Variants in PPP1R9A observed in about 807,000 individuals in gnomAD.
PPP1R9A encodes the protein neurabin-1.
Under a neutral mutation model 141.9 loss-of-function variants are expected in PPP1R9A, and 59 were observed. That is an observed-to-expected ratio of 0.42 (90% CI 0.34 to 0.52). The LOEUF (loss-of-function observed/expected upper bound fraction) is 0.52, where lower values mean the gene tolerates loss of function less well. PPP1R9A is among the 20% of genes least tolerant of loss of function. The probability of loss-of-function intolerance (pLI) is 0.10; values close to 1 mark genes in which losing one functional copy is unlikely to be tolerated. For synonymous variants in PPP1R9A, 500 were observed against 569.7 expected (o/e 0.88, Z 1.74); for missense variants, 1,444 against 1,611.9 (o/e 0.90, Z 1.78).
At chr7:94,979,008 G>C (rs998558433) in intron 2 of PPP1R9A, among the ~76,000 whole-genome samples, 2 of 152,128 alleles carry the variant, frequency 1.3e-5, no homozygotes, top group African/African-American at 4.8e-5. Flanking sequence ...TGTTGGCCAG[G>C]CTGGTCTCGA....
chr7:94,923,668 A>G (rs1793117163), intron 2 of PPP1R9A, among the ~76,000 whole-genome samples: 1 of 152,214 alleles, frequency 6.6e-6, no homozygotes, highest in Admixed American at 6.5e-5. Flanking sequence ...ACTATATGGT[A>G]GTATGTTATA....
intron 18 of PPP1R9A, among the ~76,000 whole-genome samples, chr7:95,286,797 C>T (rs1202836357): frequency 6.6e-6 from 1 of 151,924 alleles, no homozygotes; most frequent in Non-Finnish European, 1.5e-5. Flanking sequence ...ATTAGTATTG[C>T]TACAAATTAT....
intron 5 of PPP1R9A, among the ~76,000 whole-genome samples, chr7:95,195,736 A>T (rs143647826): frequency 2.1e-4 from 32 of 151,966 alleles, no homozygotes; most frequent in African/African-American, 7.7e-4. Context: ...TTGAACATAC[A>T]TGGACAAGGA....
At chr7:95,066,062 A>G (rs1812898624) in intron 2 of PPP1R9A, among the ~76,000 whole-genome samples, 2 of 152,174 alleles carry the variant, frequency 1.3e-5, no homozygotes, top group African/African-American at 4.8e-5. Flanking sequence ...TAAAGTCCCA[A>G]ACCCCAGCAC....
At chr7:94,987,847 C>T (rs117972186) in intron 2 of PPP1R9A, among the ~76,000 whole-genome samples, 3,508 of 152,172 alleles carry the variant, frequency 0.023, 56 homozygotes, top group Non-Finnish European at 0.034. Flanking sequence ...TTATTACATA[C>T]ATTTGAGATG....
chr7:95,235,867 T>G (rs898568212), intron 8 of PPP1R9A, among the ~76,000 whole-genome samples: 1 of 152,198 alleles, frequency 6.6e-6, no homozygotes, highest in African/African-American at 2.4e-5. Context: ...AATTGGAGAC[T>G]ATTATTCTAA....
At chr7:94,915,124 G>C (rs982427623) in intron 2 of PPP1R9A, among the ~76,000 whole-genome samples, 8 of 152,160 alleles carry the variant, frequency 5.3e-5, no homozygotes, top group Non-Finnish European at 7.4e-5. Flanking sequence ...GGTACATTGT[G>C]CTATATTTTG....
At chr7:95,013,567 T>C (rs570134160) in intron 2 of PPP1R9A, among the ~76,000 whole-genome samples, 48 of 152,252 alleles carry the variant, frequency 3.2e-4, no homozygotes, top group African/African-American at 9.9e-4. Flanking sequence ...CACCAAATCT[T>C]TTCTGTGTAG....
chr7:94,988,275 A>T (rs1287290417), intron 2 of PPP1R9A, among the ~76,000 whole-genome samples: 1 of 152,144 alleles, frequency 6.6e-6, no homozygotes, highest in Non-Finnish European at 1.5e-5. Context: ...CAAGAATATT[A>T]AAAGTCTTTT....
intron 5 of PPP1R9A, among the ~76,000 whole-genome samples, chr7:95,179,900 C>A (rs1833485793): frequency 6.6e-6 from 1 of 151,994 alleles, no homozygotes; most frequent in Non-Finnish European, 1.5e-5. Flanking sequence ...GGAAACACGT[C>A]CCGTGCTCAT....
intron 7 of PPP1R9A, among the ~76,000 whole-genome samples, chr7:95,212,213 A>G (rs980319237): frequency 6.6e-6 from 1 of 152,166 alleles, no homozygotes; most frequent in African/African-American, 2.4e-5. Context: ...TAAGATATAC[A>G]TCATTTCAGG....
chr7:95,108,219 T>C (rs1360367949), intron 2 of PPP1R9A, among the ~76,000 whole-genome samples: 1 of 151,628 alleles, frequency 6.6e-6, no homozygotes, highest in Admixed American at 6.6e-5. Context: ...GCCTACTTAA[T>C]TTACAAGCCT....
intron 2 of PPP1R9A, among the ~76,000 whole-genome samples, chr7:95,039,980 C>T (rs1808995001): frequency 6.6e-6 from 1 of 152,090 alleles, no homozygotes; most frequent in Non-Finnish European, 1.5e-5. Context: ...CACCTGAGCA[C>T]ATCATATTCA....
chr7:95,266,083 T>C (rs796990591), intron 12 of PPP1R9A, among the ~76,000 whole-genome samples: 3 of 152,284 alleles, frequency 2.0e-5, no homozygotes, highest in South Asian at 4.1e-4. Flanking sequence ...AGTTCTGATT[T>C]TCTCTCACTT....
intron 4 of PPP1R9A, among the ~76,000 whole-genome samples, chr7:95,124,998 C>A (rs970184222): frequency 1.3e-5 from 2 of 152,072 alleles, no homozygotes; most frequent in East Asian, 3.8e-4. Context: ...AAAGTTTTGA[C>A]CCTTCCTTAT....
intron 2 of PPP1R9A, among the ~76,000 whole-genome samples, chr7:95,005,021 A>C (rs534594265): frequency 6.6e-6 from 1 of 152,202 alleles, no homozygotes; most frequent in Non-Finnish European, 1.5e-5. Flanking sequence ...GTAATTTTTC[A>C]TGGAAAAACT....
intron 2 of PPP1R9A, among the ~76,000 whole-genome samples, chr7:95,012,710 A>T (rs1804596938): frequency 6.6e-6 from 1 of 152,154 alleles, no homozygotes; most frequent in Admixed American, 6.6e-5. Context: ...TGGAGAAAAG[A>T]TTTCTGACAA....
chr7:95,142,835 G>C (rs1480260557), intron 4 of PPP1R9A, among the ~76,000 whole-genome samples: 4 of 152,048 alleles, frequency 2.6e-5, no homozygotes, highest in African/African-American at 9.7e-5. Context: ...TACATGTAAA[G>C]AGACAAAGCT....
At chr7:95,204,249 A>G (rs1790208139) in intron 7 of PPP1R9A, among the ~76,000 whole-genome samples, 1 of 152,194 alleles carries the variant, frequency 6.6e-6, no homozygotes, top group Admixed American at 6.5e-5. Flanking sequence ...CTAAAATGAT[A>G]CTATACTTTA....
Sources: allele counts gnomAD v4.1 joint callset (sites outside exome capture counted in the v4.1 genomes callset), GRCh38; gene constraint gnomAD v4.1.1; transcripts MANE v1.5; gene names NCBI Gene and HGNC (gene_info 2026-07-23, HGNC 2026-07-21).